Variants in DDX60 observed in about 807,000 individuals in gnomAD.
DDX60 encodes probable ATP-dependent RNA helicase DDX60.
A neutral mutation model predicts 212.8 loss-of-function variants in DDX60; 165 were observed. That is an observed-to-expected ratio of 0.78 (90% CI 0.68 to 0.88). DDX60 has a LOEUF of 0.88. Ranked by LOEUF, DDX60 falls within the 40% of genes least tolerant of loss-of-function variation. The pLI, the probability that DDX60 is intolerant of heterozygous loss-of-function variation, is 0.00. For missense variants in DDX60, 1,905 were observed against 2,003.9 expected (o/e 0.95, Z 0.94); for synonymous variants, 703 against 685.3 (o/e 1.03, Z -0.40).
At chr4:168,225,725 A>G in intron 33 of DDX60, 49 bp from the exon 34 acceptor site, 1 of 1,549,332 alleles carries the variant, frequency 6.5e-7, no homozygotes, top group East Asian at 2.3e-5. Flanking sequence ...ACCTTCCTTC[A>G]AAACTGAATC....
At chr4:168,277,938 T>C (rs1308139659) in intron 14 of DDX60, among the ~76,000 whole-genome samples, 1 of 152,108 alleles carries the variant, frequency 6.6e-6, no homozygotes, top group Non-Finnish European at 1.5e-5. Flanking sequence ...GCTCAGGACA[T>C]GAATCCTTCC....
intron 30 of DDX60, 94 bp from the exon 31 acceptor site, chr4:168,237,889 C>T: frequency 1.2e-6 from 1 of 851,250 alleles, no homozygotes; most frequent in Non-Finnish European, 1.7e-6. Flanking sequence ...ATCTATTATA[C>T]CACAAAGATA....
chr4:168,317,928 G>A (rs1167247618), intron 1 of DDX60, among the ~76,000 whole-genome samples: 2 of 152,116 alleles, frequency 1.3e-5, no homozygotes, highest in Admixed American at 1.3e-4. Context: ...CAACCTGAAT[G>A]AGCATCCATG....
intron 6 of DDX60, among the ~76,000 whole-genome samples, chr4:168,299,342 A>G (rs1258708482): frequency 1.3e-5 from 2 of 151,966 alleles, no homozygotes; most frequent in East Asian, 1.9e-4. Context: ...TTCAGAGGAA[A>G]GTTTATTTCA....
At chr4:168,303,638 A>G (rs1736745374) in intron 5 of DDX60, among the ~76,000 whole-genome samples, 1 of 152,216 alleles carries the variant, frequency 6.6e-6, no homozygotes, top group African/African-American at 2.4e-5. Flanking sequence ...TGCACTACTC[A>G]AGTGTTCATG....
In DDX60 at chr4:168,217,052, T is replaced by C; in HGVS notation, c.5040-20A>G. On this transcript the variant is annotated intron_variant, in intron 37 of 37. Coordinates refer to ENST00000393743, the MANE Select transcript of DDX60 (RefSeq NM_017631.6). ...GAAACACTGGAAATGGGGAAAAAAATATAGGATCCACTTTAGTGAGATTGA... is the reference window on the plus strand; with the variant it reads ...GAAACACTGGAAATGGGGAAAAAAACATAGGATCCACTTTAGTGAGATTGA... 2.6e-6 allele frequency: 4 copies of C among 1,523,050 alleles called. No homozygotes were observed. Among genetic ancestry groups the C allele is most frequent in the Non-Finnish European group, 3.6e-6 (4 of 1,105,568 alleles). 94.3% of individuals were successfully genotyped at this position (1,523,050 alleles called of 1,614,324 possible). A position where few individuals can be genotyped will look rare whatever the true frequency, so the allele number is the denominator to read the frequency against.
chr4:168,225,663 T>C lies in DDX60; in HGVS notation c.4547A>G (p.Asp1516Gly). ...EFYQSKVFLD[D>G]LPEDFSDALD... is the part of the protein sequence containing the mutation. Reference sequence around the variant, plus strand: ...AGCATCACTAAAATCCTCAGGGAGATCATCAAGGAACACCTAGAAGCCGAA... The same window carrying C: ...AGCATCACTAAAATCCTCAGGGAGACCATCAAGGAACACCTAGAAGCCGAA... The change falls in exon 34 of 38, where the codon GAT becomes GGT. Residue 1516 changes from aspartate (D) to glycine (G), a missense_variant. Asp to Gly is a moderately conservative substitution (Grantham distance 94, BLOSUM62 -1). Coordinates refer to ENST00000393743, the MANE Select transcript of DDX60 (RefSeq NM_017631.6). 1 of 1,610,494 alleles carries C rather than the reference T, an allele frequency of 6.2e-7. No individual in the cohort carries two copies. Among genetic ancestry groups the C allele is most frequent in the Non-Finnish European group, 8.5e-7 (1 of 1,178,608 alleles).
At chr4:168,238,762 A>T (rs571744810) in intron 30 of DDX60, among the ~76,000 whole-genome samples, 70 of 152,226 alleles carry the variant, frequency 4.6e-4, no homozygotes, top group South Asian at 8.3e-4. Flanking sequence ...TCATACTAAG[A>T]TTATAAGAAT....
At chr4:168,228,062 TAAAC>T (rs1386629532) in intron 33 of DDX60, among the ~76,000 whole-genome samples, 2 of 152,106 alleles carry the variant, frequency 1.3e-5, no homozygotes, top group Non-Finnish European at 2.9e-5. Context: ...AAAGTGTACT[TAAAC>T]AAACCTAGAT....
intron 13 of DDX60, among the ~76,000 whole-genome samples, chr4:168,282,137 G>C (rs1047674312): frequency 6.6e-6 from 1 of 152,168 alleles, no homozygotes; most frequent in Non-Finnish European, 1.5e-5. Flanking sequence ...GAGAAACAAC[G>C]ATCACACAGT....
At chr4:168,286,423 G>GAGATAGATAGAT (rs71977398) in intron 10 of DDX60, among the ~76,000 whole-genome samples, 1,704 of 136,924 alleles carry the variant, frequency 0.012, 22 homozygotes, top group African/African-American at 0.024. Flanking sequence ...CACACCACAC[G>GAGATAGATAGAT]AGATAGATAG....
Position 168,306,460 on chromosome 4 carries a change from G to C in DDX60, c.525C>G (p.Ser175=), listed in dbSNP as rs753594044. 6.2e-7 allele frequency: 1 copy of C among 1,614,148 alleles called. No homozygotes were observed. Among genetic ancestry groups the C allele is most frequent in the South Asian group, 1.1e-5 (1 of 91,076 alleles). ...SWARKVNVVL[S]SGQESDVLCL... ...AAAGAACATCAGATTCTTGCCCTGA[G>C]GAAAGTACAACGTTGACCTTCCTTG... The change falls in exon 5 of 38, where the codon TCC becomes TCG. Residue 175 remains serine (S), a synonymous_variant. Transcript: ENST00000393743.
At chr4:168,233,722 G>A (rs903233081) in intron 33 of DDX60, among the ~76,000 whole-genome samples, 1 of 152,056 alleles carries the variant, frequency 6.6e-6, no homozygotes, top group Admixed American at 6.6e-5. Context: ...AAGGTGTGAG[G>A]GGTGAGGAAT....
At chr4:168,243,532 T>G (rs10034665) in intron 30 of DDX60, among the ~76,000 whole-genome samples, 14,118 of 152,020 alleles carry the variant, frequency 0.093, 857 homozygotes, top group Admixed American at 0.15. Context: ...TTAGAGAAAT[T>G]CAAATCAAAA....
Position 168,311,061 on chromosome 4 carries a change from T to C in DDX60, c.11A>G (p.Asn4Ser), listed in dbSNP as rs760927913. ...TTCCTGTGAAAATGTTGTAAGAACATTTCTTTCTAAATTTAAAAAAAAAGA... is the reference window on the plus strand; with the variant it reads ...TTCCTGTGAAAATGTTGTAAGAACACTTCTTTCTAAATTTAAAAAAAAAGA... MERNVLTTFSQEMS... is the reference protein window; with the variant it reads MERSVLTTFSQEMS... Residue 4 changes from asparagine (N) to serine (S), a missense_variant, in exon 3 of 38, where the codon AAT (asparagine) becomes AGT (serine). Coordinates refer to ENST00000393743, the MANE Select transcript of DDX60 (RefSeq NM_017631.6). The C allele has an allele frequency of 1.0e-5, 16 of 1,570,816 alleles. No individual in the cohort carries two copies. The highest frequency in any genetic ancestry group is 1.7e-5 in the Admixed American group (1 of 58,216).
At chr4:168,325,137 G>T in the DDX60 span, among the ~76,000 whole-genome samples, 235 of 152,296 alleles carry the variant, frequency 1.5e-3, 1 homozygote, top group Admixed American at 2.9e-3. Context: ...AAGTTTGTGA[G>T]GAGCCATTCA....
chr4:168,273,226 T>G, intron 18 of DDX60, 53 bp downstream of exon 18: 1 of 1,543,750 alleles, frequency 6.5e-7, no homozygotes, highest in Non-Finnish European at 8.8e-7. Context: ...CAAAGAGACA[T>G]ACAAGTACAG....
chr4:168,303,446 TATTCCTGCTCAG>T (rs1395182253), intron 5 of DDX60, among the ~76,000 whole-genome samples: 1 of 152,196 alleles, frequency 6.6e-6, no homozygotes, highest in Non-Finnish European at 1.5e-5. Context: ...ATCCCAGGGC[TATTCCTGCTCAG>T]AGTAGGCAAC....
Position 168,306,396 on chromosome 4 carries a change from G to A in DDX60, c.589C>T (p.Gln197Ter), listed in dbSNP as rs1401361963. The change falls in exon 5 of 38, where the codon CAG becomes TAG. Residue 197 changes from glutamine to a stop codon, truncating the protein, a stop_gained. Transcript: ENST00000393743. LOFTEE classifies it high-confidence loss of function. The part of the protein sequence containing the change: ...AYLLPSMYRH[Q>*]IFSWKNKQNI... ...TGAATTACCTTCCAGGAAAAAATCT[G>A]GTGTCTGTACATGCTTGGAAGAAGG... 7.5e-6 allele frequency: 12 copies of A among 1,594,778 alleles called. No individual in the cohort carries two copies. Among genetic ancestry groups the A allele is most frequent in the Non-Finnish European group, 1.0e-5 (12 of 1,169,044 alleles).
Sources: allele counts gnomAD v4.1 joint callset (sites outside exome capture counted in the v4.1 genomes callset), GRCh38; gene constraint gnomAD v4.1.1; transcripts MANE v1.5; gene names NCBI Gene and HGNC (gene_info 2026-07-23, HGNC 2026-07-21).